AGBL4: variants seen among roughly 807,000 people sequenced by gnomAD.
The protein encoded by AGBL4 is cytosolic carboxypeptidase 6.
AGBL4 carries 58 observed loss-of-function variants against 66.4 expected under a neutral mutation model. The ratio of observed to expected loss-of-function variants is 0.87; its 90% CI spans 0.71 to 1.09. AGBL4 has a LOEUF of 1.09. Among genes scored for constraint, AGBL4 ranks in the 50% least tolerant of loss-of-function variants. The pLI, the probability that AGBL4 is intolerant of heterozygous loss-of-function variation, is 0.00. For missense variants in AGBL4, 579 were observed against 631.0 expected, an observed-to-expected ratio of 0.92 and a Z score of 0.88; for synonymous variants, 234 against 222.9, an observed-to-expected ratio of 1.05 and a Z score of -0.44.
At chr1:49,501,698 T>G (rs1648172304) in intron 3 of AGBL4, among the ~76,000 whole-genome samples, 2 of 151,980 alleles carry the variant, frequency 1.3e-5, no homozygotes, top group Admixed American at 6.6e-5. Flanking sequence ...AGGTGTAATA[T>G]TAGGTGTTTA....
chr1:48,907,423 C>T (rs746411318), intron 5 of AGBL4, among the ~76,000 whole-genome samples: 4 of 152,208 alleles, frequency 2.6e-5, no homozygotes, highest in Non-Finnish European at 5.9e-5. Flanking sequence ...TAAAGGTCCA[C>T]GTGTTTCTCA....
intron 6 of AGBL4, among the ~76,000 whole-genome samples, chr1:48,683,800 A>G (rs1248039772): frequency 6.6e-6 from 1 of 152,198 alleles, no homozygotes; most frequent in African/African-American, 2.4e-5. Flanking sequence ...TAGCTCTGTA[A>G]TTACCTACCA....
chr1:49,240,422 G>A (rs896759515), intron 4 of AGBL4, among the ~76,000 whole-genome samples: 34 of 152,094 alleles, frequency 2.2e-4, no homozygotes, highest in Admixed American at 1.2e-3. Context: ...GTGCACTCAC[G>A]AAAGCCTCTC....
chr1:48,785,968 G>A (rs1557993146), intron 6 of AGBL4, among the ~76,000 whole-genome samples: 2 of 151,900 alleles, frequency 1.3e-5, no homozygotes. Context: ...GGTTCAAAAT[G>A]CCTGCCCTTC....
intron 9 of AGBL4, among the ~76,000 whole-genome samples, chr1:48,616,750 T>C (rs755948487): frequency 4.6e-5 from 7 of 152,342 alleles, no homozygotes; most frequent in Non-Finnish European, 7.3e-5. Flanking sequence ...TTCAGAATCC[T>C]TAGTGTCTTT....
intron 3 of AGBL4, among the ~76,000 whole-genome samples, chr1:49,398,091 C>T (rs1359033862): frequency 2.0e-5 from 3 of 152,164 alleles, no homozygotes; most frequent in Non-Finnish European, 4.4e-5. Context: ...TCATTTGTCT[C>T]CTGTGATGGT....
intron 1 of AGBL4, among the ~76,000 whole-genome samples, chr1:49,979,236 T>C (rs988449930): frequency 6.2e-5 from 9 of 144,838 alleles, no homozygotes; most frequent in Admixed American, 6.1e-4. Context: ...CCGAGGCGGG[T>C]GGATCATGAG....
At chr1:49,561,646 T>A (rs561585119) in intron 3 of AGBL4, among the ~76,000 whole-genome samples, 2 of 152,274 alleles carry the variant, frequency 1.3e-5, no homozygotes, top group Non-Finnish European at 2.9e-5. Context: ...CTCATCATTT[T>A]TTATGGCTGC....
At chr1:48,589,546 C>T (rs1644880184) in intron 10 of AGBL4, among the ~76,000 whole-genome samples, 1 of 152,170 alleles carries the variant, frequency 6.6e-6, no homozygotes, top group African/African-American at 2.4e-5. Flanking sequence ...ATACTGATCC[C>T]CTCCTTATCT....
intron 11 of AGBL4, among the ~76,000 whole-genome samples, chr1:48,540,884 T>C (rs1644056527): frequency 6.6e-6 from 1 of 152,178 alleles, no homozygotes; most frequent in African/African-American, 2.4e-5. Context: ...TTCTCCCCTC[T>C]GGTCCATTTT....
intron 2 of AGBL4, among the ~76,000 whole-genome samples, chr1:49,819,168 G>A (rs1021230720): frequency 6.6e-6 from 1 of 152,032 alleles, no homozygotes; most frequent in Non-Finnish European, 1.5e-5. Context: ...CAGGGCACAG[G>A]GTAGAATTTC....
At chr1:48,551,497 C>T (rs989564042) in intron 11 of AGBL4, among the ~76,000 whole-genome samples, 2 of 152,088 alleles carry the variant, frequency 1.3e-5, no homozygotes, top group African/African-American at 4.8e-5. Flanking sequence ...AAGAGTGTGT[C>T]ACATTCACAT....
At chr1:48,555,890 A>T (rs1158819928) in intron 11 of AGBL4, among the ~76,000 whole-genome samples, 1 of 152,182 alleles carries the variant, frequency 6.6e-6, no homozygotes, top group Non-Finnish European at 1.5e-5. Flanking sequence ...AAGCATCAAG[A>T]ATAGCACACC....
intron 3 of AGBL4, among the ~76,000 whole-genome samples, chr1:49,345,238 T>C (rs903219131): frequency 3.3e-5 from 5 of 152,156 alleles, no homozygotes; most frequent in African/African-American, 1.2e-4. Context: ...AATTCTAATA[T>C]GGATTTAGTG....
chr1:49,392,271 C>T (rs914949834), intron 3 of AGBL4, among the ~76,000 whole-genome samples: 1 of 152,188 alleles, frequency 6.6e-6, no homozygotes. Context: ...AGACAGGGAA[C>T]ATTTCCATTA....
chr1:48,652,790 G>C (rs1343358983), intron 8 of AGBL4, among the ~76,000 whole-genome samples: 1 of 152,178 alleles, frequency 6.6e-6, no homozygotes, highest in East Asian at 1.9e-4. Flanking sequence ...AGGAGTTCAA[G>C]ATTTGAGTGC....
intron 8 of AGBL4, among the ~76,000 whole-genome samples, chr1:48,640,776 C>T (rs1212998301): frequency 6.6e-6 from 1 of 152,166 alleles, no homozygotes; most frequent in Non-Finnish European, 1.5e-5. Context: ...TCTTCCTATC[C>T]TGTTCTCTTT....
chr1:49,544,566 G>T (rs1203913051), intron 3 of AGBL4, among the ~76,000 whole-genome samples: 2 of 152,166 alleles, frequency 1.3e-5, no homozygotes, highest in African/African-American at 4.8e-5. Context: ...CTAGCACTAA[G>T]CACTAAACAA....
At chr1:49,801,654 T>G (rs1644863786) in intron 2 of AGBL4, among the ~76,000 whole-genome samples, 1 of 152,188 alleles carries the variant, frequency 6.6e-6, no homozygotes, top group South Asian at 2.1e-4. Context: ...TACAGGTTCT[T>G]CACTGTTTGC....
Sources: gnomAD v4.1 joint callset for allele counts (sites outside exome capture counted in the v4.1 genomes callset) on GRCh38, gnomAD v4.1.1 for gene constraint, MANE v1.5 for transcripts, NCBI Gene and HGNC (gene_info 2026-07-23, HGNC 2026-07-21) for gene names.